The following PALB2 variants were observed in gnomAD, a reference collection of about 807,000 sequenced individuals.
PALB2 encodes mutant partner and localizer of BRCA2.
In PALB2, 82 loss-of-function variants were observed where a neutral mutation model predicts 107.4. That is an observed-to-expected ratio of 0.76 (90% CI 0.64 to 0.92). The LOEUF (loss-of-function observed/expected upper bound fraction) is 0.92. PALB2 is among the 40% of genes least tolerant of loss of function. PALB2 has a pLI of 0.00. For synonymous variants in PALB2, 489 were observed against 496.8 expected (o/e 0.98, Z 0.21); for missense variants, 1,374 against 1,379.9 (o/e 1.00, Z 0.07).
chr16:23,636,421 A>T (rs1967065787), intron 3 of PALB2, 87 bp from the exon 4 acceptor site: 2 of 838,294 alleles, frequency 2.4e-6, no homozygotes, highest in East Asian at 5.6e-5. Flanking sequence ...ATATATAAAT[A>T]CTACTAAACA....
rs1967245022 is a variant in PALB2, at chr16:23,641,289, CG to C, written c.-133del. 13 of 1,242,404 alleles carry C rather than the reference CG, an allele frequency of 1.0e-5. No individual in the cohort carries two copies. In the South Asian group the frequency reaches 1.7e-4, roughly 16 times the overall value. The allele number at this position is 1,242,404 out of a possible 1,614,324, so 77.0% of individuals were successfully genotyped here. On this transcript the variant is annotated 5_prime_UTR_variant, in exon 1 of 13. In the 5' UTR this introduces an upstream ATG that the reference lacks. Transcript: ENST00000261584. ...AGCCCGGGATCGCACCCTCAGTGCG[CG>C]ATCAGCTGACCCACGCGGGCCAAGC...
At chr16:23,604,589 A>G (rs997827775) in intron 12 of PALB2, among the ~76,000 whole-genome samples, 1 of 151,926 alleles carries the variant, frequency 6.6e-6, no homozygotes, top group Non-Finnish European at 1.5e-5. Context: ...CAACATGGAG[A>G]AACCCGGTCT....
Position 23,626,347 on chromosome 16 carries a change from T to C in PALB2, c.2637A>G (p.Arg879=), listed in dbSNP as rs1966842721. 6.2e-7 allele frequency: 1 copy of C among 1,614,192 alleles called. No homozygotes were observed. The highest frequency in any genetic ancestry group is 8.5e-7 in the Non-Finnish European group (1 of 1,180,044). Residue 879 remains arginine (R), a synonymous_variant, in exon 7 of 13, where the codon AGA becomes AGG. Coordinates refer to ENST00000261584, the MANE Select transcript of PALB2 (RefSeq NM_024675.4). ...TGATACATGGCTCTTTACAACCGGC[T>C]CTTTCCCAAAACATGGCACTCACAT... ...SVDVSAMFWE[R]AGCKEPCIIT...
chr16:23,636,380 T>A (rs1567223311), intron 3 of PALB2, 46 bp from the exon 4 acceptor site: 3 of 1,322,612 alleles, frequency 2.3e-6, no homozygotes, highest in Admixed American at 2.5e-5. Flanking sequence ...TCTTATAAAA[T>A]AAAACAAAAA....
At position 23,620,245 on chromosome 16, in the gene PALB2, GTCAA is replaced by G. The variant is rs1966749672; in HGVS notation, c.3113+1113_3113+1116del. On this transcript the variant is annotated intron_variant, in intron 10 of 12. Coordinates refer to ENST00000261584, the MANE Select transcript of PALB2 (RefSeq NM_024675.4). ...GACCTATGAATATGCAGTTTAAAGG[GTCAA>G]TCAAATATTTAGGTAAACATTATAG... is the stretch of plus-strand genomic sequence containing the variant. Among the ~76,000 whole-genome samples, 8 of 152,338 alleles carry G rather than the reference GTCAA, an allele frequency of 5.3e-5. No homozygotes were observed. The South Asian group carries it at 1.7e-3, about 32-fold the overall frequency.
At chr16:23,641,030 C>G (rs2142479463) in intron 1 of PALB2, 80 bp downstream of exon 1, 2 of 1,532,208 alleles carry the variant, frequency 1.3e-6, no homozygotes, top group Non-Finnish European at 1.8e-6. Flanking sequence ...CCTCGGACTG[C>G]CGAGGACACA....
intron 1 of PALB2, chr16:23,640,481 G>T (rs2142475441): frequency 4.7e-6 from 1 of 213,380 alleles, no homozygotes; most frequent in East Asian, 7.0e-5. Flanking sequence ...CCCAGCATGG[G>T]TGGCAGAGTG....
Position 23,629,826 on chromosome 16 carries a change from G to A in PALB2, c.2328C>T (p.Phe776=), listed in dbSNP as rs45508997. The change falls in exon 5 of 13, where the codon TTC becomes TTT. Residue 776 remains phenylalanine, a synonymous_variant. Coordinates refer to ENST00000261584, the MANE Select transcript of PALB2 (RefSeq NM_024675.4). ...SVCLASDTKQ[F]DSSGSPAKPH... The stretch of plus-strand genomic sequence containing the variant: ...GTTTTGCTGGGCTGCCTGAACTGTC[G>A]AATTGTTTAGTATCACTGGCAAGAC... The A allele has an allele frequency of 1.5e-5, 24 of 1,614,044 alleles. No homozygotes were observed. The highest frequency in any genetic ancestry group is 8.8e-5 in the South Asian group (8 of 91,086).
intron 6 of PALB2, among the ~76,000 whole-genome samples, chr16:23,626,873 G>A (rs909104794): frequency 6.6e-6 from 1 of 151,874 alleles, no homozygotes; most frequent in Admixed American, 6.6e-5. Context: ...CACCCACCTC[G>A]GCCTCCCAAA....
rs730881896 is a variant in PALB2 at position 23,603,546 on chromosome 16, A to G, written c.3474T>C (p.His1158=). 5 of 1,614,130 alleles carry G rather than the reference A, an allele frequency of 3.1e-6. No individual in the cohort carries two copies. Among genetic ancestry groups the G allele is most frequent in the South Asian group, 2.2e-5 (2 of 91,082 alleles). Residue 1158 remains histidine, a synonymous_variant, in exon 13 of 13, where the codon CAT becomes CAC. Coordinates refer to ENST00000261584, the MANE Select transcript of PALB2 (RefSeq NM_024675.4). ...TACCCGACCATTTCACAAAAGACCA[A>G]TGTTGGTCAGAGACAGGTGGGAGGA... The part of the protein sequence containing the change: ...TALLPPVSDQ[H]WSFVKWSGTD...
At position 23,630,076 on chromosome 16, in the gene PALB2, T is replaced by C. The variant is rs587780208; in HGVS notation, c.2078A>G (p.His693Arg). The C allele has an allele frequency of 6.2e-7, 1 of 1,614,112 alleles. No individual in the cohort carries two copies. The highest frequency in any genetic ancestry group is 1.3e-5 in the African/African-American group (1 of 74,938). The change falls in exon 5 of 13, where the codon CAT becomes CGT. Residue 693 changes from histidine (H) to arginine (R), a missense_variant. Coordinates refer to ENST00000261584, the MANE Select transcript of PALB2 (RefSeq NM_024675.4). Reference protein sequence around the residue: ...HPKRPNSQSQHTKTGLSSSIL... With the variant: ...HPKRPNSQSQRTKTGLSSSIL... ...GGATGAAGAAAGGCCCGTCTTTGTA[T>C]GCTGGCTTTGCGAGTTTGGCCTTTT...
rs587782064 is a variant in PALB2 at position 23,629,921 on chromosome 16, T to C, written c.2233A>G (p.Lys745Glu). Residue 745 changes from lysine (K) to glutamate (E), a missense_variant, in exon 5 of 13, where the codon AAA (lysine) becomes GAA (glutamate). Lys to Glu is a moderately conservative substitution (Grantham distance 56). Transcript: ENST00000261584. ...PAFGPQGSYE[K>E]ASTEVAGRTC... ...CGTCCAGCAACTTCTGTAGATGCTT[T>C]TTCATAGGAGCCTTGAGGGCCAAAG... 1.9e-6 allele frequency: 3 copies of C among 1,614,200 alleles called. No homozygotes were observed. Among genetic ancestry groups the C allele is most frequent in the Non-Finnish European group, 2.5e-6 (3 of 1,180,030 alleles).
At chr16:23,628,443 C>G (rs948887395) in intron 6 of PALB2, among the ~76,000 whole-genome samples, 6 of 152,126 alleles carry the variant, frequency 3.9e-5, no homozygotes, top group Non-Finnish European at 5.9e-5. Context: ...TCTGCACCCC[C>G]ATCTTCAACC....
Position 23,624,070 on chromosome 16 carries a change from C to G in PALB2, c.2773G>C (p.Val925Leu), listed in dbSNP as rs180177125. Residue 925 changes from valine (V) to leucine (L), a missense_variant, in exon 8 of 13, where the codon GTG becomes CTG. Physicochemically the swap from Val to Leu is conservative, Grantham distance 32. Transcript: ENST00000261584. ...CACACGAGATTATACACATCAGGCACTGGAACTATCTGTAATACTGGAACC... is the reference window on the plus strand; with the variant it reads ...CACACGAGATTATACACATCAGGCAGTGGAACTATCTGTAATACTGGAACC... ...AEVPVLQIVP[V>L]PDVYNLVCVA... 3.2e-5 allele frequency: 52 copies of G among 1,607,262 alleles called. No homozygotes were observed. Among genetic ancestry groups the G allele is most frequent in the Non-Finnish European group, 4.2e-5 (49 of 1,174,114 alleles).
intron 10 of PALB2, among the ~76,000 whole-genome samples, chr16:23,619,912 T>A (rs1356761440): frequency 6.6e-6 from 1 of 152,176 alleles, no homozygotes; most frequent in Admixed American, 6.6e-5. Context: ...CCTGAGTAGC[T>A]GGAATTACAG....
chr16:23,618,534 T>G (rs1423672306), intron 10 of PALB2, among the ~76,000 whole-genome samples: 1 of 151,698 alleles, frequency 6.6e-6, no homozygotes, highest in Non-Finnish European at 1.5e-5. Flanking sequence ...TTTTGAGGGA[T>G]GAGGGTAGAG....
intron 10 of PALB2, among the ~76,000 whole-genome samples, chr16:23,619,379 ACT>A (rs1238479289): frequency 6.6e-6 from 1 of 151,742 alleles, no homozygotes; most frequent in Non-Finnish European, 1.5e-5. Flanking sequence ...ACAGAGTCTC[ACT>A]CTGTCACTCA....
In PALB2 at chr16:23,641,288, G is replaced by T. The variant is rs1967244819; in HGVS notation, c.-131C>A. On this transcript the variant is annotated 5_prime_UTR_variant, in exon 1 of 13. Coordinates refer to ENST00000261584, the MANE Select transcript of PALB2 (RefSeq NM_024675.4). The stretch of plus-strand genomic sequence containing the variant: ...GAGCCCGGGATCGCACCCTCAGTGC[G>T]CGATCAGCTGACCCACGCGGGCCAA... 6.4e-6 allele frequency: 8 copies of T among 1,243,442 alleles called. No homozygotes were observed. The highest frequency in any genetic ancestry group is 9.1e-6 in the Non-Finnish European group (8 of 880,194). 77.0% of individuals were successfully genotyped at this position (1,243,442 alleles called of 1,614,324 possible).
rs2142369375 is a variant in PALB2 at position 23,629,293 on chromosome 16, A to T, written c.2515-18T>A. On this transcript the variant is annotated intron_variant, in intron 5 of 12. Transcript: ENST00000261584. ...GTTTCAGTCTGTGAAAACAAAAGTCACATCATTAGTCTACACTTTATGTAT... is the reference window on the plus strand; with the variant it reads ...GTTTCAGTCTGTGAAAACAAAAGTCTCATCATTAGTCTACACTTTATGTAT... The T allele has an allele frequency of 6.2e-7, 1 of 1,605,320 alleles. No homozygotes were observed. The highest frequency in any genetic ancestry group is 2.2e-5 in the East Asian group (1 of 44,828).
Sources: gnomAD v4.1 joint callset for allele counts (sites outside exome capture counted in the v4.1 genomes callset) on GRCh38, gnomAD v4.1.1 for gene constraint, MANE v1.5 for transcripts, NCBI Gene and HGNC (gene_info 2026-07-23, HGNC 2026-07-21) for gene names.